GABBR2: variants seen among roughly 807,000 people sequenced by gnomAD.
GABBR2 encodes gamma-aminobutyric acid type B receptor subunit 2.
In GABBR2, 23 loss-of-function variants were observed where a neutral mutation model predicts 105.6. That is an observed-to-expected ratio of 0.22 (90% confidence interval 0.16 to 0.31). The LOEUF (loss-of-function observed/expected upper bound fraction) is 0.31. Among genes scored for constraint, GABBR2 ranks in the 10% least tolerant of loss-of-function variants. The pLI is 1.00. For synonymous variants in GABBR2, 478 were observed against 499.7 expected (o/e 0.96, Z 0.58); for missense variants, 734 against 1,245.5 (o/e 0.59, Z 6.18).
intron 2 of GABBR2, among the ~76,000 whole-genome samples, chr9:98,562,915 C>T (rs549604435): frequency 2.3e-4 from 35 of 151,428 alleles, no homozygotes; most frequent in Middle Eastern, 3.4e-3. Flanking sequence ...ACAAAAAATA[C>T]AAAAATTAGC....
At chr9:98,588,664 A>G (rs190962775) in intron 1 of GABBR2, among the ~76,000 whole-genome samples, 6 of 152,354 alleles carry the variant, frequency 3.9e-5, no homozygotes, top group African/African-American at 1.2e-4. Flanking sequence ...CCATGGAGTC[A>G]GGTTCCAGAG....
At chr9:98,482,346 A>G (rs1030854083) in intron 4 of GABBR2, among the ~76,000 whole-genome samples, 7 of 152,216 alleles carry the variant, frequency 4.6e-5, no homozygotes, top group South Asian at 2.1e-4. Context: ...AGGGGAAAAA[A>G]AACACTGGCT....
At chr9:98,678,807 T>C (rs187081587) in intron 1 of GABBR2, among the ~76,000 whole-genome samples, 1 of 152,298 alleles carries the variant, frequency 6.6e-6, no homozygotes, top group East Asian at 1.9e-4. Flanking sequence ...CAGGGAAGAC[T>C]GATAATTTCC....
In GABBR2 at chr9:98,290,267, T is replaced by TTA. The variant is rs1830275808; in HGVS notation, c.*316_*317insTA. On this transcript the variant is annotated 3_prime_UTR_variant, in exon 19 of 19. Transcript: ENST00000259455. ...GTGCCTCTCTCCTTGTCTAGTTTTT[T>TTA]TGTTTTTTTTTTTTTTTTTTTTTTT... 1 of 147,484 alleles carries TTA rather than the reference T, an allele frequency of 6.8e-6. No individual in the cohort carries two copies. The highest frequency in any genetic ancestry group is 1.3e-5 in the Non-Finnish European group (1 of 77,428). 9.1% of individuals were successfully genotyped at this position (147,484 alleles called of 1,614,324 possible). A position where few individuals can be genotyped will look rare whatever the true frequency, so the allele number is the denominator to read the frequency against.
In GABBR2 at chr9:98,421,424, C is replaced by T. The variant is rs192119330; in HGVS notation, c.1237-15283G>A. 2.5e-4 allele frequency among the ~76,000 whole-genome samples: 38 copies of T among 152,304 alleles called. 1 individual carries two copies. The East Asian group carries it at 7.1e-3, about 29-fold the overall frequency. On this transcript the variant is annotated intron_variant, in intron 7 of 18. Transcript: ENST00000259455. ...AGCTCCCTATTCCATTAGTAAGGAA[C>T]TGTACTCATTCAGGAATAAAATTAA...
rs948349663 is a variant in GABBR2 at position 98,696,399 on chromosome 9, C to T, written c.321+12018G>A. Among the ~76,000 whole-genome samples the T allele has an allele frequency of 2.6e-5, 4 of 152,198 alleles. No homozygotes were observed. In the South Asian group the frequency reaches 6.2e-4, roughly 24 times the overall value. On this transcript the variant is annotated intron_variant, in intron 1 of 18. Transcript: ENST00000259455. The stretch of plus-strand genomic sequence containing the variant: ...AGGGCTTGCAAAGCTGTGGGAGAAG[C>T]TGTGTTCCCACCCCAAGAACAATGG...
chr9:98,608,903 T>G (rs1184508774), intron 1 of GABBR2, among the ~76,000 whole-genome samples: 1 of 152,146 alleles, frequency 6.6e-6, no homozygotes, highest in Non-Finnish European at 1.5e-5. Flanking sequence ...TTTTTACACT[T>G]TATGGTAAGT....
intron 3 of GABBR2, among the ~76,000 whole-genome samples, chr9:98,531,253 CG>C (rs1480169578): frequency 6.6e-6 from 1 of 152,134 alleles, no homozygotes; most frequent in Non-Finnish European, 1.5e-5. Context: ...CCTCTCTGAG[CG>C]GGGTCCATGT....
intron 1 of GABBR2, among the ~76,000 whole-genome samples, chr9:98,635,665 C>T (rs1341658159): frequency 6.6e-6 from 1 of 152,022 alleles, no homozygotes. Context: ...ATGTGACAAT[C>T]TGAAAAAAAT....
At chr9:98,537,898 C>T (rs1828212937) in intron 3 of GABBR2, among the ~76,000 whole-genome samples, 1 of 152,250 alleles carries the variant, frequency 6.6e-6, no homozygotes, top group Admixed American at 6.5e-5. Context: ...CAAAATTTCC[C>T]TGGTGATTCT....
chr9:98,529,339 C>G (rs940630286), intron 3 of GABBR2, among the ~76,000 whole-genome samples: 10 of 152,238 alleles, frequency 6.6e-5, no homozygotes, highest in African/African-American at 2.2e-4. Flanking sequence ...AGTCAAGAAG[C>G]ACTGTAGCCA....
chr9:98,481,761 G>A (rs1826927011), intron 4 of GABBR2, among the ~76,000 whole-genome samples: 1 of 152,220 alleles, frequency 6.6e-6, no homozygotes, highest in South Asian at 2.1e-4. Flanking sequence ...CTAGCACATA[G>A]TGAGTGTCCA....
At chr9:98,587,339 G>A (rs1253295826) in intron 1 of GABBR2, among the ~76,000 whole-genome samples, 1 of 152,190 alleles carries the variant, frequency 6.6e-6, no homozygotes, top group Non-Finnish European at 1.5e-5. Flanking sequence ...TGCGGCTTCA[G>A]TCTGCACACC....
chr9:98,561,901 A>C (rs1055717980), intron 2 of GABBR2, among the ~76,000 whole-genome samples: 12 of 152,178 alleles, frequency 7.9e-5, no homozygotes, highest in African/African-American at 2.9e-4. Flanking sequence ...GAAAGAAAAG[A>C]AAATTACCAT....
At chr9:98,520,959 C>G (rs994247967) in intron 3 of GABBR2, among the ~76,000 whole-genome samples, 11 of 152,036 alleles carry the variant, frequency 7.2e-5, no homozygotes, top group African/African-American at 2.7e-4. Flanking sequence ...ATGAAGAAAG[C>G]CAATATAAAT....
Position 98,299,383 on chromosome 9 carries a change from G to C in GABBR2, c.2413-30C>G, listed in dbSNP as rs41273925. On this transcript the variant is annotated intron_variant, in intron 16 of 18. Transcript: ENST00000259455. ...AAGACAAAGGTTCCAGTTGAGTCAG[G>C]TCCCTGGCCCAGCCCTGGCAGCTAG... 108,163 of 1,612,784 alleles carry C rather than the reference G, an allele frequency of 0.067. 4,240 individuals carry two copies. Among genetic ancestry groups the C allele is most frequent in the Middle Eastern group, 0.12 (636 of 5,512 alleles).
At chr9:98,545,731 C>T (rs1828385287) in intron 2 of GABBR2, among the ~76,000 whole-genome samples, 1 of 152,172 alleles carries the variant, frequency 6.6e-6, no homozygotes, top group Non-Finnish European at 1.5e-5. Flanking sequence ...AATTCCACTA[C>T]AGCTAATAAG....
In GABBR2 at chr9:98,393,838, A is replaced by G. The variant is rs187117932; in HGVS notation, c.1378+337T>C. Among the ~76,000 whole-genome samples the G allele has an allele frequency of 1.4e-4, 22 of 152,370 alleles. No individual in the cohort carries two copies. The East Asian group carries it at 4.2e-3, about 29-fold the overall frequency. ...AATAATCTTCTAGGAAGAGCAGCAG[A>G]TAGACAGGCCTTATTTCCAACCCAG... On this transcript the variant is annotated intron_variant, in intron 9 of 18. Coordinates refer to ENST00000259455, the MANE Select transcript of GABBR2 (RefSeq NM_005458.8).
intron 3 of GABBR2, among the ~76,000 whole-genome samples, chr9:98,540,027 C>T (rs939948818): frequency 3.3e-5 from 5 of 152,166 alleles, no homozygotes; most frequent in Admixed American, 2.0e-4. Context: ...TTATCCTCCA[C>T]CATCCACTTG....
Sources: gnomAD v4.1 joint callset for allele counts (sites outside exome capture counted in the v4.1 genomes callset) on GRCh38, gnomAD v4.1.1 for gene constraint, MANE v1.5 for transcripts, NCBI Gene and HGNC (gene_info 2026-07-23, HGNC 2026-07-21) for gene names.